CRYL1: variants seen among roughly 807,000 people sequenced by gnomAD.
CRYL1 encodes crystallin lambda 1.
CRYL1 carries 29 observed loss-of-function variants against 36.6 expected under a neutral mutation model. That is an observed-to-expected ratio of 0.79 (90% CI 0.59 to 1.08). The LOEUF (loss-of-function observed/expected upper bound fraction) is 1.08. Among genes scored for constraint, CRYL1 ranks in the 50% least tolerant of loss-of-function variants. The pLI is 0.00. For missense variants in CRYL1, 411 were observed against 407.9 expected (o/e 1.01, Z -0.06); for synonymous variants, 152 against 151.5 (o/e 1.00, Z -0.02).
chr13:20,481,090 A>G lies in CRYL1; in HGVS notation c.276+8280T>C, dbSNP rs146512691. ...GAATAAAGCAAGAGCAAGCCATCAG[A>G]AAAGTAAGGGCTGTGGCAGGAAGCT... On this transcript the variant is annotated intron_variant, in intron 3 of 7. Transcript: ENST00000298248. The surrounding 1 kb of genome is among the most constrained non-coding windows in gnomAD (Gnocchi z 4.1). 4.3e-3 allele frequency among the ~76,000 whole-genome samples: 657 copies of G among 152,356 alleles called. 7 individuals are homozygous for G. The highest frequency in any genetic ancestry group is 0.015 in the African/African-American group (633 of 41,580).
chr13:20,434,835 C>T lies in CRYL1; in HGVS notation c.439-2539G>A, dbSNP rs115454877. Among the ~76,000 whole-genome samples the T allele has an allele frequency of 7.7e-3, 1,173 of 151,738 alleles. 16 individuals carry two copies. Among genetic ancestry groups the T allele is most frequent in the African/African-American group, 0.026 (1,064 of 41,298 alleles). ...CCAACTCCGGACACACCATCAGTTA[C>T]TGAAGTCCTGTTACTTCTCTTTACT... On this transcript the variant is annotated intron_variant, in intron 4 of 7. Coordinates refer to ENST00000298248, the MANE Select transcript of CRYL1 (RefSeq NM_015974.3).
intron 3 of CRYL1, among the ~76,000 whole-genome samples, chr13:20,476,718 C>T (rs1363824000): frequency 6.6e-6 from 1 of 152,180 alleles, no homozygotes; most frequent in African/African-American, 2.4e-5. Flanking sequence ...GCTTATGCCT[C>T]ATACCTCTTA....
At chr13:20,510,228 A>G (rs2033888426) in intron 2 of CRYL1, among the ~76,000 whole-genome samples, 1 of 152,224 alleles carries the variant, frequency 6.6e-6, no homozygotes, top group Non-Finnish European at 1.5e-5. Context: ...GAGCAACTTT[A>G]CTCATAATTG....
intron 1 of CRYL1, among the ~76,000 whole-genome samples, chr13:20,520,802 C>T (rs1202407776): frequency 6.6e-6 from 1 of 152,146 alleles, no homozygotes; most frequent in Non-Finnish European, 1.5e-5. Context: ...CACTGGGTTT[C>T]CTCTCTTGAA....
intron 3 of CRYL1, among the ~76,000 whole-genome samples, chr13:20,462,790 A>G (rs1311402501): frequency 6.6e-6 from 1 of 151,942 alleles, no homozygotes; most frequent in East Asian, 1.9e-4. Context: ...GAACGGTACC[A>G]TCCCACTGCC....
At chr13:20,406,889 G>A (rs2031392078) in intron 6 of CRYL1, among the ~76,000 whole-genome samples, 1 of 151,596 alleles carries the variant, frequency 6.6e-6, no homozygotes. Context: ...TACCAGAGCA[G>A]CCACAGGCCA....
chr13:20,513,219 T>C (rs970222697), intron 1 of CRYL1, among the ~76,000 whole-genome samples: 2 of 152,226 alleles, frequency 1.3e-5, no homozygotes, highest in Non-Finnish European at 2.9e-5. Flanking sequence ...GTATTTATCA[T>C]GTACTCACAC....
At chr13:20,433,727 G>A (rs73443926) in intron 4 of CRYL1, 1,973 of 154,512 alleles carry the variant, frequency 0.013, 45 homozygotes, top group African/African-American at 0.045. Context: ...ATATAAAGCA[G>A]GCATGCTGGG....
chr13:20,520,675 C>G (rs182105070), intron 1 of CRYL1, among the ~76,000 whole-genome samples: 1 of 152,258 alleles, frequency 6.6e-6, no homozygotes, highest in East Asian at 1.9e-4. Context: ...CCCTTCACGC[C>G]CACACACTCA....
In CRYL1 at chr13:20,431,937, G is replaced by C. The variant is rs572872303; in HGVS notation, c.633+165C>G. ...TGCATTTTATTTTGGTTCTAAAGCT[G>C]GCCCTTGGTCTCCAGAATAGAGCAA... is the stretch of plus-strand genomic sequence containing the variant. On this transcript the variant is annotated intron_variant, in intron 5 of 7. Coordinates refer to ENST00000298248, the MANE Select transcript of CRYL1 (RefSeq NM_015974.3). The C allele has an allele frequency of 1.1e-5, 17 of 1,535,658 alleles. No homozygotes were observed. The Admixed American group carries it at 3.3e-4, about 30-fold the overall frequency.
chr13:20,510,296 G>A (rs1333777229), intron 2 of CRYL1, among the ~76,000 whole-genome samples: 1 of 152,096 alleles, frequency 6.6e-6, no homozygotes, highest in East Asian at 1.9e-4. Flanking sequence ...AATAAATTGT[G>A]GTACATCCAG....
chr13:20,477,182 C>G (rs998880107), intron 3 of CRYL1, among the ~76,000 whole-genome samples: 2 of 151,874 alleles, frequency 1.3e-5, no homozygotes, highest in Admixed American at 6.6e-5. Flanking sequence ...CAAATAATTA[C>G]CTGGGTGTGG....
rs2031640287 is a variant in CRYL1, at chr13:20,415,520, C to A, written c.634-2133G>T. On this transcript the variant is annotated intron_variant, in intron 5 of 7. Coordinates refer to ENST00000298248, the MANE Select transcript of CRYL1 (RefSeq NM_015974.3). This position sits in a 1 kb window ranked among gnomAD's most constrained non-coding sequence, Gnocchi z 4.1. Reference sequence around the variant, plus strand: ...AGGAGCCAGGACGGCCACAGCCACGCCACCACCGGCGAGGGCGAGGGCCAG... The same window carrying A: ...AGGAGCCAGGACGGCCACAGCCACGACACCACCGGCGAGGGCGAGGGCCAG... Among the ~76,000 whole-genome samples the A allele has an allele frequency of 6.6e-6, 1 of 152,196 alleles. No homozygotes were observed. Among genetic ancestry groups the A allele is most frequent in the South Asian group, 2.1e-4 (1 of 4,832 alleles).
In CRYL1 at chr13:20,525,651, G is replaced by A. The variant is rs990810666; in HGVS notation, c.41+103C>T. The A allele has an allele frequency of 1.0e-6, 1 of 970,210 alleles. No individual in the cohort carries two copies. Among genetic ancestry groups the A allele is most frequent in the Non-Finnish European group, 1.3e-6 (1 of 743,546 alleles). The allele number at this position is 970,210 out of a possible 1,614,324, so 60.1% of individuals were successfully genotyped here. ...TTCGGAGGACCGGAGGCCGGGGCGG[G>A]GACAGCGACCCGGCGCCCACCCCGA... On this transcript the variant is annotated intron_variant, in intron 1 of 7. Coordinates refer to ENST00000298248, the MANE Select transcript of CRYL1 (RefSeq NM_015974.3). This position sits in a 1 kb window ranked among gnomAD's most constrained non-coding sequence, Gnocchi z 4.3.
At chr13:20,410,300 G>A (rs546032983) in intron 6 of CRYL1, among the ~76,000 whole-genome samples, 17 of 148,112 alleles carry the variant, frequency 1.1e-4, no homozygotes, top group Middle Eastern at 3.5e-3. Context: ...ACCCAACACC[G>A]CATATTCTCA....
intron 3 of CRYL1, among the ~76,000 whole-genome samples, chr13:20,463,496 C>T (rs562410392): frequency 3.7e-4 from 56 of 152,294 alleles, no homozygotes; most frequent in Non-Finnish European, 7.1e-4. Flanking sequence ...GTCTCATGAG[C>T]TTTTACCCTC....
At chr13:20,491,009 G>C (rs2033501079) in intron 2 of CRYL1, among the ~76,000 whole-genome samples, 1 of 152,126 alleles carries the variant, frequency 6.6e-6, no homozygotes, top group African/African-American at 2.4e-5. Context: ...AGGATCAAGT[G>C]ATCTCCCACC....
intron 3 of CRYL1, among the ~76,000 whole-genome samples, chr13:20,440,587 A>T (rs2032329064): frequency 6.6e-6 from 1 of 152,236 alleles, no homozygotes; most frequent in Admixed American, 6.5e-5. Flanking sequence ...ACAGCACCCC[A>T]GGCAAACTGT....
At chr13:20,431,271 G>A (rs1303130427) in intron 5 of CRYL1, 11 of 985,324 alleles carry the variant, frequency 1.1e-5, no homozygotes, top group Non-Finnish European at 1.3e-5. Context: ...AGGAACTGTG[G>A]AGCCAGGTGC....
Sources: allele counts gnomAD v4.1 joint callset (sites outside exome capture counted in the v4.1 genomes callset), GRCh38; gene constraint gnomAD v4.1.1; non-coding constraint Gnocchi (gnomAD v3.1); transcripts MANE v1.5; gene names NCBI Gene and HGNC (gene_info 2026-07-23, HGNC 2026-07-21).